The following XXYLT1 variants were observed in gnomAD, a reference collection of about 807,000 sequenced individuals.
XXYLT1 encodes xyloside xylosyltransferase 1.
A neutral mutation model predicts 28.9 loss-of-function variants in XXYLT1; 20 were observed. The observed-to-expected ratio is 0.69, with a 90% CI of 0.49 to 1.00. The LOEUF (loss-of-function observed/expected upper bound fraction) is 1.00. Ranked by LOEUF, XXYLT1 falls within the 50% of genes least tolerant of loss-of-function variation. XXYLT1 has a pLI of 0.00. For synonymous variants in XXYLT1, 257 were observed against 253.8 expected, an observed-to-expected ratio of 1.01 and a Z score of -0.12; for missense variants, 542 against 560.1, an observed-to-expected ratio of 0.97 and a Z score of 0.33.
intron 3 of XXYLT1, among the ~76,000 whole-genome samples, chr3:195,138,947 G>T (rs1719342503): frequency 6.6e-6 from 1 of 151,966 alleles, no homozygotes; most frequent in African/African-American, 2.4e-5. Context: ...ATCCTAGACA[G>T]AGGGAGAGCA....
In XXYLT1 at chr3:195,143,837, GATATAGATAT is replaced by G. The variant is rs1243003581; in HGVS notation, c.785+12602_785+12611del. 4.2e-3 allele frequency among the ~76,000 whole-genome samples: 294 copies of G among 70,430 alleles called. 36 individuals are homozygous for G. The highest frequency in any genetic ancestry group is 0.011 in the African/African-American group (201 of 18,718). The allele number at this position is 70,430 out of a possible 152,430, so 46.2% of individuals were successfully genotyped here. A position where few individuals can be genotyped will look rare whatever the true frequency, so the allele number is the denominator to read the frequency against. On this transcript the variant is annotated intron_variant, in intron 3 of 3. Transcript: ENST00000310380. ...ATAGATATAGATATATATAGATATA[GATATAGATAT>G]ATATATAGATATATATAGATATAGA...
At chr3:195,191,478 T>C (rs1254561051) in intron 2 of XXYLT1, among the ~76,000 whole-genome samples, 1 of 152,266 alleles carries the variant, frequency 6.6e-6, no homozygotes, top group Non-Finnish European at 1.5e-5. Context: ...AGAATATGTG[T>C]TAATTGACTG....
At chr3:195,161,572 G>C in intron 2 of XXYLT1, among the ~76,000 whole-genome samples, 1 of 151,646 alleles carries the variant, frequency 6.6e-6, no homozygotes, top group Non-Finnish European at 1.5e-5. Context: ...CTGGAAGAAA[G>C]GGTTTTATGC....
Position 195,223,697 on chromosome 3 carries a change from G to A in XXYLT1, c.652+3012C>T, listed in dbSNP as rs141572112. 2.5e-3 allele frequency among the ~76,000 whole-genome samples: 375 copies of A among 152,238 alleles called. 1 individual carries two copies. The highest frequency in any genetic ancestry group is 3.7e-3 in the Non-Finnish European group (253 of 68,022). On this transcript the variant is annotated intron_variant, in intron 2 of 3. Transcript: ENST00000310380. ...AACTGCAGGAATTCCAAATGATCTCGGTAGGAACTCCCCAGTGCTGCCAAG... is the reference window on the plus strand; with the variant it reads ...AACTGCAGGAATTCCAAATGATCTCAGTAGGAACTCCCCAGTGCTGCCAAG...
chr3:195,098,425 C>T (rs193238004), intron 3 of XXYLT1, among the ~76,000 whole-genome samples: 518 of 152,188 alleles, frequency 3.4e-3, no homozygotes, highest in African/African-American at 0.011. Context: ...TGGTGGTGCG[C>T]GCCTGTAGTC....
chr3:195,110,987 G>A (rs1577041678), intron 3 of XXYLT1, among the ~76,000 whole-genome samples: 2 of 148,840 alleles, frequency 1.3e-5, no homozygotes, highest in South Asian at 2.2e-4. Context: ...GGGCTGCCAC[G>A]ACAAAGTACA....
At chr3:195,158,060 G>C (rs2108685799) in intron 2 of XXYLT1, among the ~76,000 whole-genome samples, 1 of 152,302 alleles carries the variant, frequency 6.6e-6, no homozygotes, top group East Asian at 1.9e-4. Flanking sequence ...TAAGGAACTT[G>C]GGATAATTTT....
chr3:195,245,710 G>A (rs1724994136), intron 1 of XXYLT1, among the ~76,000 whole-genome samples: 1 of 152,136 alleles, frequency 6.6e-6, no homozygotes, highest in Non-Finnish European at 1.5e-5. Context: ...TCATGGGGGC[G>A]GGTCCTTCAT....
chr3:195,105,544 T>C (rs368224118), intron 3 of XXYLT1, among the ~76,000 whole-genome samples: 2 of 152,256 alleles, frequency 1.3e-5, no homozygotes, highest in South Asian at 2.1e-4. Context: ...TTTAAACTTC[T>C]GTTCAAAGGT....
rs915694126 is a variant in XXYLT1 at position 195,124,697 on chromosome 3, C to T, written c.785+31752G>A. Among the ~76,000 whole-genome samples, 8 of 152,114 alleles carry T rather than the reference C, an allele frequency of 5.3e-5. No homozygotes were observed. Among genetic ancestry groups the T allele is most frequent in the Admixed American group, 2.0e-4 (3 of 15,274 alleles). ...CAAAAACCCAAGACACTTTGAACCC[C>T]GTGGGAGTGTGGACCCCACATCAAC... On this transcript the variant is annotated intron_variant, in intron 3 of 3. Transcript: ENST00000310380. This position sits in a 1 kb window ranked among gnomAD's most constrained non-coding sequence, Gnocchi z 4.1.
At chr3:195,254,723 C>G (rs1725411272) in intron 1 of XXYLT1, among the ~76,000 whole-genome samples, 1 of 152,244 alleles carries the variant, frequency 6.6e-6, no homozygotes, top group African/African-American at 2.4e-5. Context: ...GGACACAGAC[C>G]TGCAGGGCCT....
chr3:195,142,465 C>T (rs1719543016), intron 3 of XXYLT1, among the ~76,000 whole-genome samples: 1 of 152,156 alleles, frequency 6.6e-6, no homozygotes. Flanking sequence ...GGCAAAGACA[C>T]CAAAATGTAT....
At chr3:195,268,782 G>C (rs1167504383) in intron 1 of XXYLT1, among the ~76,000 whole-genome samples, 1 of 152,172 alleles carries the variant, frequency 6.6e-6, no homozygotes. Flanking sequence ...CCAGAACTGG[G>C]CCCAGTAAAG....
At chr3:195,207,553 C>T (rs1161785956) in intron 2 of XXYLT1, 3 of 446,252 alleles carry the variant, frequency 6.7e-6, no homozygotes, top group Admixed American at 4.9e-5. Context: ...AAGCCTTCCC[C>T]AAATTCCTTA....
intron 3 of XXYLT1, among the ~76,000 whole-genome samples, chr3:195,142,684 T>C (rs1182837249): frequency 6.6e-6 from 1 of 152,262 alleles, no homozygotes; most frequent in African/African-American, 2.4e-5. Flanking sequence ...ATGCCCTCAA[T>C]GGCACCGCCG....
intron 3 of XXYLT1, among the ~76,000 whole-genome samples, chr3:195,110,029 A>G (rs1246481320): frequency 8.9e-5 from 3 of 33,726 alleles, no homozygotes; most frequent in African/African-American, 2.8e-4. Flanking sequence ...ATGAGTGTGC[A>G]TGTCTGGTGT....
intron 2 of XXYLT1, chr3:195,207,568 A>C: frequency 6.9e-6 from 3 of 436,650 alleles, no homozygotes; most frequent in South Asian, 4.9e-5. Context: ...TCCTTAGCCA[A>C]AGGTGCCGCC....
chr3:195,112,413 CGCACACACACACAT>C (rs772789527), intron 3 of XXYLT1, among the ~76,000 whole-genome samples: 1 of 144,378 alleles, frequency 6.9e-6, no homozygotes, highest in Non-Finnish European at 1.5e-5. Flanking sequence ...CGCACGTGCG[CGCACACACACACAT>C]GCACACACAC....
At chr3:195,101,241 G>A (rs73890674) in intron 3 of XXYLT1, among the ~76,000 whole-genome samples, 3,807 of 152,358 alleles carry the variant, frequency 0.025, 149 homozygotes, top group African/African-American at 0.087. Context: ...TTGAATGTTC[G>A]ACTTAATTGA....
Sources: allele counts gnomAD v4.1 joint callset (sites outside exome capture counted in the v4.1 genomes callset), GRCh38; gene constraint gnomAD v4.1.1; non-coding constraint Gnocchi (gnomAD v3.1); transcripts MANE v1.5; gene names NCBI Gene and HGNC (gene_info 2026-07-23, HGNC 2026-07-21).